TRAPPC12: variants seen among roughly 807,000 people sequenced by gnomAD.
TRAPPC12 encodes trafficking protein particle complex subunit 12.
TRAPPC12 carries 61 observed loss-of-function variants against 69.2 expected under a neutral mutation model. The observed-to-expected ratio is 0.88, with a 90% CI of 0.72 to 1.09. TRAPPC12 has a LOEUF of 1.09. Ranked by LOEUF, TRAPPC12 falls within the 50% of genes least tolerant of loss-of-function variation. TRAPPC12 has a pLI of 0.00. For synonymous variants in TRAPPC12, 469 were observed against 438.9 expected, an observed-to-expected ratio of 1.07 and a Z score of -0.86; for missense variants, 1,101 against 1,016.4, an observed-to-expected ratio of 1.08 and a Z score of -1.13.
intron 5 of TRAPPC12, among the ~76,000 whole-genome samples, chr2:3,426,550 G>T (rs992223176): frequency 2.6e-5 from 4 of 152,262 alleles, no homozygotes; most frequent in Non-Finnish European, 4.4e-5. Context: ...GGTGGAGGAA[G>T]TGGGGCCAGA....
intron 6 of TRAPPC12, among the ~76,000 whole-genome samples, chr2:3,448,523 C>T (rs1664643761): frequency 6.6e-6 from 1 of 151,974 alleles, no homozygotes; most frequent in Admixed American, 6.5e-5. Context: ...GAAATGAGTC[C>T]AGAATGTTAA....
At chr2:3,422,429 AAAG>A (rs1212356598) in intron 4 of TRAPPC12, among the ~76,000 whole-genome samples, 9 of 152,362 alleles carry the variant, frequency 5.9e-5, no homozygotes, top group African/African-American at 2.2e-4. Context: ...ATTTAAAAAA[AAAG>A]AAAAAAGAAA....
chr2:3,471,500 C>T (rs1240275571), intron 9 of TRAPPC12, among the ~76,000 whole-genome samples: 1 of 152,170 alleles, frequency 6.6e-6, no homozygotes, highest in Non-Finnish European at 1.5e-5. Context: ...ATCTTCATCA[C>T]ACAGAGCCTC....
intron 6 of TRAPPC12, among the ~76,000 whole-genome samples, chr2:3,446,948 A>G (rs1664541427): frequency 6.6e-6 from 1 of 152,076 alleles, no homozygotes; most frequent in South Asian, 2.1e-4. Flanking sequence ...GAATTTCTTT[A>G]CTCAAGAAGT....
At chr2:3,389,882 G>A (rs1299862838) in intron 2 of TRAPPC12, 1 of 446,888 alleles carries the variant, frequency 2.2e-6, no homozygotes, top group Non-Finnish European at 4.6e-6. Flanking sequence ...CTCTCCCAGT[G>A]TGGCTGGCTC....
At chr2:3,459,922 C>T (rs1170237328) in intron 7 of TRAPPC12, 4 of 381,340 alleles carry the variant, frequency 1.0e-5, no homozygotes, top group Non-Finnish European at 1.5e-5. Context: ...GCAATGTCGT[C>T]GTTTCTGTCA....
rs536686566 is a variant in TRAPPC12, at chr2:3,382,960, C to T, written c.-5+3084C>T. On this transcript the variant is annotated intron_variant, in intron 1 of 11. Transcript: ENST00000324266. ...AATACTAATAAAATAATAGAAATAA[C>T]TTAAACCATGGGTGAAAAATTGAAT... 2.0e-5 allele frequency among the ~76,000 whole-genome samples: 3 copies of T among 152,240 alleles called. 1 individual carries two copies. The East Asian group carries it at 5.8e-4, about 29-fold the overall frequency.
chr2:3,408,701 C>T (rs566857136), intron 3 of TRAPPC12, among the ~76,000 whole-genome samples: 15 of 152,294 alleles, frequency 9.8e-5, no homozygotes, highest in Admixed American at 8.5e-4. Context: ...AACAATCCCA[C>T]TTTCAATTAT....
Position 3,388,409 on chromosome 2 carries a change from C to A in TRAPPC12, c.786C>A (p.Pro262=), listed in dbSNP as rs751350622. 6.2e-7 allele frequency: 1 copy of A among 1,603,840 alleles called. No individual in the cohort carries two copies. The highest frequency in any genetic ancestry group is 8.5e-7 in the Non-Finnish European group (1 of 1,175,292). ...CCGGGACCGAGGGGCGCCCCGAACC[C>A]GTGGCCATGCGAGGGCCCCAGGCAG... ...AVPGTEGRPE[P]VAMRGPQAAA... is the part of the protein sequence containing the mutation. The change falls in exon 2 of 12, where the codon CCC becomes CCA. Residue 262 remains proline (P), a synonymous_variant. Coordinates refer to ENST00000324266, the MANE Select transcript of TRAPPC12 (RefSeq NM_016030.6).
intron 3 of TRAPPC12, among the ~76,000 whole-genome samples, chr2:3,417,507 C>T (rs1662486827): frequency 6.6e-6 from 1 of 152,146 alleles, no homozygotes. Context: ...CCCCTCTTGC[C>T]TGGAACTGAA....
chr2:3,413,318 G>A lies in TRAPPC12; in HGVS notation c.1165-8563G>A, dbSNP rs148412190. Among the ~76,000 whole-genome samples the A allele has an allele frequency of 1.4e-4, 22 of 152,310 alleles. No individual in the cohort carries two copies. In the East Asian group the frequency reaches 4.2e-3, roughly 29 times the overall value. On this transcript the variant is annotated intron_variant, in intron 3 of 11. Transcript: ENST00000324266. ...TTTTATCCTGGGACAGCTAGTCATA[G>A]TAGTGGCAAAGGATTATCTCATTAT...
intron 6 of TRAPPC12, chr2:3,455,268 G>T (rs960188663): frequency 1.3e-5 from 2 of 152,126 alleles, no homozygotes; most frequent in African/African-American, 4.8e-5. Context: ...GGTGTTTATG[G>T]GTTATAGGAG....
intron 3 of TRAPPC12, among the ~76,000 whole-genome samples, chr2:3,420,860 C>G (rs898163492): frequency 1.3e-5 from 2 of 152,158 alleles, no homozygotes; most frequent in Admixed American, 1.3e-4. Context: ...CTCTACCACA[C>G]GTTTTTAAAA....
chr2:3,396,366 C>G (rs532941765), intron 2 of TRAPPC12, among the ~76,000 whole-genome samples: 1 of 151,892 alleles, frequency 6.6e-6, no homozygotes, highest in Non-Finnish European at 1.5e-5. Flanking sequence ...TATATTTTTC[C>G]TCTGGGTGCT....
intron 5 of TRAPPC12, among the ~76,000 whole-genome samples, chr2:3,436,528 A>T (rs984147310): frequency 1.3e-5 from 2 of 152,094 alleles, no homozygotes; most frequent in East Asian, 3.8e-4. Context: ...TAATAAGTAT[A>T]AAAATTTTGC....
intron 1 of TRAPPC12, among the ~76,000 whole-genome samples, chr2:3,383,518 C>T (rs570911433): frequency 7.1e-4 from 108 of 151,252 alleles, no homozygotes; most frequent in African/African-American, 2.5e-3. Flanking sequence ...CCTGCCTCAG[C>T]CTCCCGAGTA....
intron 6 of TRAPPC12, among the ~76,000 whole-genome samples, chr2:3,451,415 C>T (rs1664844395): frequency 6.6e-6 from 1 of 152,248 alleles, no homozygotes; most frequent in Non-Finnish European, 1.5e-5. Context: ...TCTCCAAACT[C>T]CTCTTCCCTG....
Position 3,439,541 on chromosome 2 carries a change from G to C in TRAPPC12, c.1418-4238G>C, listed in dbSNP as rs776089054. ...ATCCCAGGCATCAGCCACCATACCT[G>C]GCCTGTTGTTGATTTTTAAGAATTC... On this transcript the variant is annotated intron_variant, in intron 5 of 11. Coordinates refer to ENST00000324266, the MANE Select transcript of TRAPPC12 (RefSeq NM_016030.6). 1.2e-3 allele frequency among the ~76,000 whole-genome samples: 188 copies of C among 151,802 alleles called. 4 individuals are homozygous for C. Among genetic ancestry groups the C allele is most frequent in the Non-Finnish European group, 2.9e-4 (20 of 68,010 alleles).
chr2:3,463,396 G>A (rs1431004442), intron 8 of TRAPPC12, among the ~76,000 whole-genome samples: 1 of 151,692 alleles, frequency 6.6e-6, no homozygotes, highest in East Asian at 1.9e-4. Context: ...CTGCCGGCGG[G>A]TGCAGGGGCC....
Sources: gnomAD v4.1 joint callset for allele counts (sites outside exome capture counted in the v4.1 genomes callset) on GRCh38, gnomAD v4.1.1 for gene constraint, MANE v1.5 for transcripts, NCBI Gene and HGNC (gene_info 2026-07-23, HGNC 2026-07-21) for gene names.